The following CWC15 variants were observed in gnomAD, a reference collection of about 807,000 sequenced individuals.
The protein encoded by CWC15 is spliceosome-associated protein CWC15 homolog.
CWC15 carries 12 observed loss-of-function variants against 28.4 expected under a neutral mutation model. That is an observed-to-expected ratio of 0.42 (90% CI 0.27 to 0.69). The LOEUF (loss-of-function observed/expected upper bound fraction) is 0.69. Ranked by LOEUF, CWC15 falls within the 30% of genes least tolerant of loss-of-function variation. CWC15 has a pLI of 0.23. For synonymous variants in CWC15, 92 were observed against 88.4 expected (o/e 1.04, Z -0.23); for missense variants, 192 against 271.5 (o/e 0.71, Z 2.06).
At chr11:94,967,014 T>C (rs1857655496) in intron 5 of CWC15, among the ~76,000 whole-genome samples, 1 of 151,662 alleles carries the variant, frequency 6.6e-6, no homozygotes, top group African/African-American at 2.4e-5. Context: ...TTACCTGAGG[T>C]TGATCTATTT....
chr11:94,964,382 G>A (rs1857611592), intron 6 of CWC15, among the ~76,000 whole-genome samples: 1 of 152,196 alleles, frequency 6.6e-6, no homozygotes, highest in South Asian at 2.1e-4. Context: ...TTGGAAAACA[G>A]TGCAGTAAAG....
intron 6 of CWC15, among the ~76,000 whole-genome samples, chr11:94,965,987 G>A (rs1466716185): frequency 1.9e-4 from 29 of 152,110 alleles, no homozygotes; most frequent in Admixed American, 1.8e-3. Context: ...CACCTAAAAT[G>A]TAAGGGCCTC....
Position 94,966,224 on chromosome 11 carries a change from TATAC to T in CWC15, c.560+67_560+70del, listed in dbSNP as rs1435173251. On this transcript the variant is annotated intron_variant, in intron 6 of 6. Transcript: ENST00000279839. Reference sequence around the variant, plus strand: ...ATGCCTGTGTGTATACACATACACATATACACACACACACACACACACACACACA... The same window carrying T: ...ATGCCTGTGTGTATACACATACACATACACACACACACACACACACACACA... 9.8e-4 allele frequency: 721 copies of T among 733,984 alleles called. 1 individual carries two copies. Among genetic ancestry groups the T allele is most frequent in the African/African-American group, 9.1e-3 (383 of 42,164 alleles). 45.5% of individuals were successfully genotyped at this position (733,984 alleles called of 1,614,324 possible).
In CWC15 at chr11:94,971,435, C is replaced by G; in HGVS notation, c.184G>C (p.Glu62Gln). The G allele has an allele frequency of 2.5e-6, 4 of 1,613,100 alleles. No homozygotes were observed. Among genetic ancestry groups the G allele is most frequent in the Non-Finnish European group, 3.4e-6 (4 of 1,179,498 alleles). Residue 62 changes from glutamate (E) to glutamine (Q), a missense_variant, in exon 3 of 7, where the codon GAG (glutamate) becomes CAG (glutamine). Physicochemically the swap from Glu to Gln is conservative, Grantham distance 29. Coordinates refer to ENST00000279839, the MANE Select transcript of CWC15 (RefSeq NM_016403.4). Reference sequence around the variant, plus strand: ...GCAGCTCTCTCTCTTTCTTCCAACTCTCTCCTGAAGTCACGGTTACGAACC... The same window carrying G: ...GCAGCTCTCTCTCTTTCTTCCAACTGTCTCCTGAAGTCACGGTTACGAACC... ...EEVRNRDFRR[E>Q]LEERERAAAR...
At chr11:94,967,937 T>G (rs371171098) in intron 5 of CWC15, among the ~76,000 whole-genome samples, 230 of 152,352 alleles carry the variant, frequency 1.5e-3, no homozygotes, top group African/African-American at 5.3e-3. Context: ...ACTTATAATG[T>G]GTATGACATA....
chr11:94,965,555 ATCT>A (rs148130252), intron 6 of CWC15, among the ~76,000 whole-genome samples: 2,620 of 152,262 alleles, frequency 0.017, 76 homozygotes, highest in African/African-American at 0.059. Flanking sequence ...GATCTAAGAA[ATCT>A]TCTGTCACTG....
At chr11:94,967,965 TTA>T (rs1320926403) in intron 5 of CWC15, among the ~76,000 whole-genome samples, 1 of 152,226 alleles carries the variant, frequency 6.6e-6, no homozygotes, top group African/African-American at 2.4e-5. Flanking sequence ...TATGGACATT[TTA>T]TGTTTGGAAT....
intron 6 of CWC15, among the ~76,000 whole-genome samples, chr11:94,966,029 A>G (rs781965281): frequency 8.5e-5 from 13 of 152,242 alleles, no homozygotes; most frequent in South Asian, 2.1e-4. Context: ...TGCTTACATC[A>G]TTATCTAGTA....
intron 6 of CWC15, among the ~76,000 whole-genome samples, chr11:94,964,065 G>A (rs943265402): frequency 7.2e-5 from 11 of 151,822 alleles, no homozygotes; most frequent in Admixed American, 3.3e-4. Flanking sequence ...TAACCAAGGA[G>A]AAGTACCAGC....
intron 6 of CWC15, among the ~76,000 whole-genome samples, chr11:94,964,109 CATAATGT>C (rs1555094843): frequency 6.6e-6 from 1 of 151,068 alleles, no homozygotes; most frequent in East Asian, 1.9e-4. Context: ...GGTTGGATTC[CATAATGT>C]ATAAGCACGA....
At chr11:94,966,852 CTG>C (rs1555095404) in intron 5 of CWC15, among the ~76,000 whole-genome samples, 1 of 152,012 alleles carries the variant, frequency 6.6e-6, no homozygotes, top group African/African-American at 2.4e-5. Context: ...TCATACCTAA[CTG>C]TGATTAATTT....
intron 5 of CWC15, among the ~76,000 whole-genome samples, chr11:94,966,774 A>G (rs1857651451): frequency 6.6e-6 from 1 of 152,090 alleles, no homozygotes; most frequent in Admixed American, 6.5e-5. Flanking sequence ...GCATATTCTA[A>G]TAATTTAAGA....
At chr11:94,964,420 T>C (rs1555094912) in intron 6 of CWC15, among the ~76,000 whole-genome samples, 1 of 152,186 alleles carries the variant, frequency 6.6e-6, no homozygotes, top group Non-Finnish European at 1.5e-5. Context: ...CACAGAAGCA[T>C]AACAAGCTGA....
chr11:94,965,301 C>T (rs1251706354), intron 6 of CWC15, among the ~76,000 whole-genome samples: 2 of 152,258 alleles, frequency 1.3e-5, no homozygotes, highest in Non-Finnish European at 2.9e-5. Flanking sequence ...TTGACGAATG[C>T]ATATAAAATA....
At chr11:94,965,768 A>G (rs587597208) in intron 6 of CWC15, among the ~76,000 whole-genome samples, 1 of 152,324 alleles carries the variant, frequency 6.6e-6, no homozygotes, top group South Asian at 2.1e-4. Context: ...GGGGGAAACA[A>G]TGTGCTGTGT....
chr11:94,963,662 G>C (rs1857598641), intron 6 of CWC15, 148 bp from the exon 7 acceptor site: 4 of 549,906 alleles, frequency 7.3e-6, no homozygotes, highest in Non-Finnish European at 8.6e-6. Flanking sequence ...AAAGAATAAT[G>C]TCATCCTTAA....
At chr11:94,966,061 T>C (rs1331945738) in intron 6 of CWC15, among the ~76,000 whole-genome samples, 3 of 152,150 alleles carry the variant, frequency 2.0e-5, no homozygotes, top group Non-Finnish European at 2.9e-5. Context: ...ATTGCAACTA[T>C]CTATTGAAAA....
At chr11:94,972,741 TA>T (rs2134104845) in intron 1 of CWC15, among the ~76,000 whole-genome samples, 1 of 152,336 alleles carries the variant, frequency 6.6e-6, no homozygotes, top group Non-Finnish European at 1.5e-5. Flanking sequence ...AAAAGTGTGT[TA>T]AACTTCAATG....
intron 5 of CWC15, among the ~76,000 whole-genome samples, chr11:94,967,050 T>TA (rs1555095433): frequency 3.5e-4 from 6 of 17,282 alleles, no homozygotes; most frequent in African/African-American, 1.1e-3. Context: ...ACTGAGTTTT[T>TA]CTTTTTTTTT....
Sources: gnomAD v4.1 joint callset for allele counts (sites outside exome capture counted in the v4.1 genomes callset) on GRCh38, gnomAD v4.1.1 for gene constraint, MANE v1.5 for transcripts, NCBI Gene and HGNC (gene_info 2026-07-23, HGNC 2026-07-21) for gene names.